ANKRD36: variants seen among roughly 807,000 people sequenced by gnomAD.
ANKRD36 encodes ankyrin repeat domain-containing protein 36A.
In ANKRD36, 179 loss-of-function variants were observed where a neutral mutation model predicts 278.1. The observed-to-expected ratio is 0.64, with a 90% CI of 0.57 to 0.73. ANKRD36 has a LOEUF of 0.73. ANKRD36 is among the 30% of genes least tolerant of loss of function. The probability of loss-of-function intolerance (pLI) is 0.00; values close to 1 mark genes in which losing one functional copy is unlikely to be tolerated. For missense variants in ANKRD36, 1,159 were observed against 1,956.7 expected (o/e 0.59, Z 7.69); for synonymous variants, 320 against 641.1 (o/e 0.50, Z 7.57).
At chr2:97,115,090 C>T (rs1275449611) in intron 1 of ANKRD36, among the ~76,000 whole-genome samples, 1 of 152,028 alleles carries the variant, frequency 6.6e-6, no homozygotes, top group Non-Finnish European at 1.5e-5. Context: ...AAAGCAATTG[C>T]GGTTTTTGCC....
intron 22 of ANKRD36, among the ~76,000 whole-genome samples, chr2:97,174,298 A>G (rs1285479160): frequency 6.6e-6 from 1 of 151,634 alleles, no homozygotes; most frequent in Non-Finnish European, 1.5e-5. Context: ...AGATTAAGTG[A>G]ACTCACTTCA....
intron 48 of ANKRD36, 65 bp from the exon 49 acceptor site, chr2:97,204,003 A>T: frequency 1.3e-6 from 2 of 1,537,152 alleles, no homozygotes; most frequent in African/African-American, 1.4e-5. Flanking sequence ...CTAACACTGC[A>T]TGAATGTATG....
At chr2:97,235,470 T>C (rs1263350835) in intron 68 of ANKRD36, among the ~76,000 whole-genome samples, 1 of 142,598 alleles carries the variant, frequency 7.0e-6, no homozygotes, top group Non-Finnish European at 1.5e-5. Context: ...CCACCTTAAG[T>C]TGGGGATTGT....
At chr2:97,173,663 AGT>A (rs1575321209) in intron 22 of ANKRD36, among the ~76,000 whole-genome samples, 2 of 151,822 alleles carry the variant, frequency 1.3e-5, no homozygotes, top group African/African-American at 4.8e-5. Context: ...AACAAAAAAG[AGT>A]GTATGTCAAA....
intron 1 of ANKRD36, among the ~76,000 whole-genome samples, chr2:97,116,325 G>C (rs1012408572): frequency 3.3e-5 from 5 of 152,092 alleles, no homozygotes; most frequent in Non-Finnish European, 4.4e-5. Context: ...GCCCAGCCTG[G>C]AGTGCAGTGG....
rs1337237270 is a variant in ANKRD36, at chr2:97,207,915, C to T, written c.3193-19C>T. 3 of 1,534,790 alleles carry T rather than the reference C, an allele frequency of 2.0e-6. No individual in the cohort carries two copies. Among genetic ancestry groups the T allele is most frequent in the Non-Finnish European group, 2.6e-6 (3 of 1,138,932 alleles). On this transcript the variant is annotated intron_variant, in intron 53 of 75. Transcript: ENST00000420699. ...AACATACTTTATTAATTTATTATTT[C>T]ATTTGAAATTCCATTCAGGCTACAA...
At chr2:97,228,442 C>T (rs2070716904) in intron 67 of ANKRD36, among the ~76,000 whole-genome samples, 2 of 152,232 alleles carry the variant, frequency 1.3e-5, no homozygotes, top group South Asian at 4.2e-4. Flanking sequence ...TTGTAGTATT[C>T]TCTGATGGTA....
chr2:97,211,419 G>A (rs1390026778), intron 56 of ANKRD36, 127 bp from the exon 57 acceptor site: 6 of 1,423,234 alleles, frequency 4.2e-6, no homozygotes, highest in Non-Finnish European at 4.8e-6. Context: ...CAGACACAAA[G>A]TAGAAGCCGT....
At chr2:97,197,133 C>G (rs143635583) in intron 42 of ANKRD36, among the ~76,000 whole-genome samples, 2 of 151,856 alleles carry the variant, frequency 1.3e-5, no homozygotes, top group African/African-American at 4.8e-5. Context: ...ATTTTACAGA[C>G]CTCACATCAT....
chr2:97,205,997 CG>C (rs771805225), intron 51 of ANKRD36, 29 bp downstream of exon 51: 46 of 1,548,282 alleles, frequency 3.0e-5, no homozygotes, highest in Non-Finnish European at 3.9e-5. Flanking sequence ...ATATTGTGAA[CG>C]AGTTAATATA....
chr2:97,231,255 CAG>C (rs1431168754), intron 67 of ANKRD36, among the ~76,000 whole-genome samples: 4 of 152,162 alleles, frequency 2.6e-5, no homozygotes, highest in Non-Finnish European at 5.9e-5. Context: ...GTGGAGCCTA[CAG>C]AGGCAGGCAG....
At position 97,113,667 on chromosome 2, in the gene ANKRD36, T is replaced by C; in HGVS notation, c.-73T>C. ...GTGGACAGACTGCTTTGCTCGTTGT[T>C]GCTCTTCGGAGGCGGCGATCCCCGA... On this transcript the variant is annotated 5_prime_UTR_variant, in exon 1 of 76. Transcript: ENST00000420699. The C allele has an allele frequency of 6.3e-7, 1 of 1,597,054 alleles. No homozygotes were observed.
chr2:97,222,913 A>G (rs188829825), intron 66 of ANKRD36, among the ~76,000 whole-genome samples: 1,754 of 151,764 alleles, frequency 0.012, no homozygotes, highest in African/African-American at 0.04. Flanking sequence ...AGAGATTAGC[A>G]TGGTATATCA....
intron 44 of ANKRD36, 25 bp from the exon 45 acceptor site, chr2:97,200,309 A>AT: frequency 2.5e-6 from 4 of 1,607,364 alleles, no homozygotes; most frequent in South Asian, 2.2e-5. Flanking sequence ...CATGTGAGTG[A>AT]TTATGTATCC....
At chr2:97,187,494 G>GGGGGGTC in intron 32 of ANKRD36, 93 bp downstream of exon 32, 4 of 95,518 alleles carry the variant, frequency 4.2e-5, no homozygotes, top group South Asian at 2.8e-4. Flanking sequence ...GGGTGGGGGG[G>GGGGGGTC]CTCGCCGAAG....
intron 6 of ANKRD36, among the ~76,000 whole-genome samples, chr2:97,138,233 CA>C (rs1461234352): frequency 6.6e-6 from 1 of 152,098 alleles, no homozygotes; most frequent in Non-Finnish European, 1.5e-5. Context: ...AGCTGATAAG[CA>C]ACTTCCTCAT....
intron 22 of ANKRD36, among the ~76,000 whole-genome samples, chr2:97,173,456 C>T (rs1289538092): frequency 6.6e-6 from 1 of 151,814 alleles, no homozygotes; most frequent in African/African-American, 2.4e-5. Flanking sequence ...GGCCATGGGG[C>T]TGCTTTTGTG....
chr2:97,158,486 C>G, intron 16 of ANKRD36, 102 bp from the exon 17 acceptor site: 1 of 1,258,062 alleles, frequency 7.9e-7, no homozygotes, highest in Non-Finnish European at 1.1e-6. Flanking sequence ...ATTGGCCCCC[C>G]AAACTGCTGG....
At chr2:97,187,624 A>T (rs1417397292) in intron 32 of ANKRD36, among the ~76,000 whole-genome samples, 1 of 151,766 alleles carries the variant, frequency 6.6e-6, no homozygotes, top group Admixed American at 6.6e-5. Flanking sequence ...CCCCACATTG[A>T]AATTGGGAAG....
Sources: allele counts gnomAD v4.1 joint callset (sites outside exome capture counted in the v4.1 genomes callset), GRCh38; gene constraint gnomAD v4.1.1; transcripts MANE v1.5; gene names NCBI Gene and HGNC (gene_info 2026-07-23, HGNC 2026-07-21).